Variants in CHN2 observed in about 807,000 individuals in gnomAD.
CHN2 encodes chimerin 2.
CHN2 carries 35 observed loss-of-function variants against 56.3 expected under a neutral mutation model. The ratio of observed to expected loss-of-function variants is 0.62; its 90% CI spans 0.47 to 0.82. The LOEUF is 0.82. Among genes scored for constraint, CHN2 ranks in the 40% least tolerant of loss-of-function variants. CHN2 has a pLI of 0.00. For synonymous variants in CHN2, 210 were observed against 212.8 expected (o/e 0.99, Z 0.12); for missense variants, 491 against 580.5 (o/e 0.85, Z 1.58).
chr7:29,442,325 G>A (rs571213896), intron 6 of CHN2, among the ~76,000 whole-genome samples: 1 of 152,276 alleles, frequency 6.6e-6, no homozygotes, highest in African/African-American at 2.4e-5. Flanking sequence ...TGGCCTAAAA[G>A]CTATAGTGGT....
chr7:29,178,615 C>CAAAAAACTTTTTAAAAAAA (rs1797675346), intron 2 of CHN2, among the ~76,000 whole-genome samples: 1 of 152,050 alleles, frequency 6.6e-6, no homozygotes, highest in Non-Finnish European at 1.5e-5. Context: ...TTAAAAAAAG[C>CAAAAAACTTTTTAAAAAAA]AGTTCATTGT....
At chr7:29,188,313 G>T (rs1336647233) in intron 2 of CHN2, among the ~76,000 whole-genome samples, 1 of 152,084 alleles carries the variant, frequency 6.6e-6, no homozygotes, top group Non-Finnish European at 1.5e-5. Context: ...TTTGCTCAGG[G>T]TCACACAGCT....
intron 1 of CHN2, among the ~76,000 whole-genome samples, chr7:29,259,053 T>C (rs1006664841): frequency 1.3e-5 from 2 of 148,900 alleles, no homozygotes; most frequent in Admixed American, 6.7e-5. Context: ...ATGGGCCATG[T>C]TCAGTGGCTC....
intron 2 of CHN2, among the ~76,000 whole-genome samples, chr7:29,150,016 A>G (rs1793373551): frequency 6.6e-6 from 1 of 152,222 alleles, no homozygotes; most frequent in East Asian, 1.9e-4. Flanking sequence ...AGAATATTCA[A>G]AGGTTGGCCA....
intron 6 of CHN2, among the ~76,000 whole-genome samples, chr7:29,437,553 G>GCGC (rs1783328094): frequency 7.0e-6 from 1 of 142,588 alleles, no homozygotes; most frequent in African/African-American, 2.7e-5. Flanking sequence ...AGCCGAGATC[G>GCGC]CGCCACTGCA....
intron 6 of CHN2, among the ~76,000 whole-genome samples, chr7:29,443,236 G>T (rs1006307238): frequency 6.6e-6 from 1 of 152,024 alleles, no homozygotes; most frequent in Admixed American, 6.5e-5. Flanking sequence ...CACTGTGCCC[G>T]GCCCAATTTC....
intron 1 of CHN2, among the ~76,000 whole-genome samples, chr7:29,324,571 C>A (rs1193479505): frequency 6.6e-6 from 1 of 151,138 alleles, no homozygotes; most frequent in Non-Finnish European, 1.5e-5. Context: ...CATATGTACC[C>A]CTGCTAGATC....
At chr7:29,241,818 A>G (rs1345262038) in intron 1 of CHN2, among the ~76,000 whole-genome samples, 2 of 152,172 alleles carry the variant, frequency 1.3e-5, no homozygotes, top group African/African-American at 4.8e-5. Context: ...AGTGGCAAAC[A>G]TAATTTTAGT....
chr7:29,255,019 G>C (rs1346285309), intron 1 of CHN2, among the ~76,000 whole-genome samples: 2 of 152,136 alleles, frequency 1.3e-5, no homozygotes, highest in Non-Finnish European at 2.9e-5. Flanking sequence ...CCACTGGGAG[G>C]AGGTACTGGA....
At chr7:29,446,799 T>C (rs1784065000) in intron 6 of CHN2, among the ~76,000 whole-genome samples, 1 of 152,202 alleles carries the variant, frequency 6.6e-6, no homozygotes, top group Non-Finnish European at 1.5e-5. Context: ...GGAAACAGTG[T>C]TGACATTCAT....
intron 6 of CHN2, among the ~76,000 whole-genome samples, chr7:29,477,845 C>A (rs1312324241): frequency 1.3e-5 from 2 of 152,232 alleles, no homozygotes; most frequent in African/African-American, 4.8e-5. Flanking sequence ...CTTTGCACAC[C>A]TTCTTCCACA....
chr7:29,241,100 G>A (rs1385195266), intron 1 of CHN2, among the ~76,000 whole-genome samples: 1 of 152,118 alleles, frequency 6.6e-6, no homozygotes, highest in Non-Finnish European at 1.5e-5. Flanking sequence ...TGGCCAGGCT[G>A]ATCTTGACCT....
intron 6 of CHN2, among the ~76,000 whole-genome samples, chr7:29,437,478 G>A (rs1783317967): frequency 7.6e-6 from 1 of 130,874 alleles, no homozygotes; most frequent in Non-Finnish European, 1.6e-5. Flanking sequence ...GGCGCCTGTA[G>A]TCCCAGCTAC....
chr7:29,286,114 C>G (rs1020391656), intron 1 of CHN2, among the ~76,000 whole-genome samples: 2 of 152,110 alleles, frequency 1.3e-5, no homozygotes, highest in Non-Finnish European at 2.9e-5. Flanking sequence ...GTAGGAGCCT[C>G]TTTTCGAGGA....
At chr7:29,302,482 C>G (rs1329802785) in intron 1 of CHN2, among the ~76,000 whole-genome samples, 1 of 150,644 alleles carries the variant, frequency 6.6e-6, no homozygotes, top group Non-Finnish European at 1.5e-5. Context: ...TGCCATCACA[C>G]CCAGCTAAAT....
At chr7:29,281,202 T>C (rs925661856) in intron 1 of CHN2, among the ~76,000 whole-genome samples, 2 of 152,264 alleles carry the variant, frequency 1.3e-5, no homozygotes, top group African/African-American at 4.8e-5. Context: ...TTTTCTTGTG[T>C]ACCCTTAAAA....
intron 6 of CHN2, among the ~76,000 whole-genome samples, chr7:29,407,290 T>C (rs1432390044): frequency 6.6e-6 from 1 of 151,786 alleles, no homozygotes; most frequent in African/African-American, 2.4e-5. Flanking sequence ...TGTTGAGGCC[T>C]TTTTTTTGGA....
At chr7:29,289,171 G>A (rs1260494677) in intron 1 of CHN2, 3 of 152,196 alleles carry the variant, frequency 2.0e-5, no homozygotes, top group African/African-American at 7.2e-5. Context: ...TCGCTATTTG[G>A]CTTGTAGGTT....
Position 29,513,784 on chromosome 7 carries a change from T to C in CHN2, c.*1049T>C, listed in dbSNP as rs896143168. ...TTAAAGTGAGAATAAGGTTGGTTTT[T>C]ACCAAATATTTGTTCCTCCTTGACA... On this transcript the variant is annotated 3_prime_UTR_variant, in exon 13 of 13. Transcript: ENST00000222792. The C allele has an allele frequency of 6.4e-4, 98 of 152,778 alleles. 2 individuals are homozygous for C. The highest frequency in any genetic ancestry group is 2.2e-3 in the African/African-American group (93 of 41,586). The allele number at this position is 152,778 out of a possible 1,614,324, so 9.5% of individuals were successfully genotyped here.
Sources: allele counts gnomAD v4.1 joint callset (sites outside exome capture counted in the v4.1 genomes callset), GRCh38; gene constraint gnomAD v4.1.1; transcripts MANE v1.5; gene names NCBI Gene and HGNC (gene_info 2026-07-23, HGNC 2026-07-21).